Variants in UGT2B7 observed in about 807,000 individuals in gnomAD.
UGT2B7 encodes UDP glucuronosyltransferase family 2 member B7.
A neutral mutation model predicts 51.9 loss-of-function variants in UGT2B7; 51 were observed. The ratio of observed to expected loss-of-function variants is 0.98; its 90% CI spans 0.78 to 1.24. The LOEUF is 1.24. Ranked by LOEUF, UGT2B7 falls within the 50% of genes most tolerant of loss-of-function variation. The probability of loss-of-function intolerance (pLI) is 0.00; values close to 1 mark genes in which losing one functional copy is unlikely to be tolerated. For synonymous variants in UGT2B7, 225 were observed against 211.6 expected (o/e 1.06, Z -0.55); for missense variants, 727 against 628.4 (o/e 1.16, Z -1.68).
At chr4:69,064,723 A>C (rs1718451194) in intron 1 of UGT2B7, among the ~76,000 whole-genome samples, 1 of 152,180 alleles carries the variant, frequency 6.6e-6, no homozygotes, top group African/African-American at 2.4e-5. Flanking sequence ...AAGTCAGCTG[A>C]GTCTGAGTGC....
At chr4:69,108,419 T>C (rs1353963004) in intron 5 of UGT2B7, 97 bp downstream of exon 5, 1 of 1,356,452 alleles carries the variant, frequency 7.4e-7, no homozygotes, top group Non-Finnish European at 1.0e-6. Context: ...GAGACTAATT[T>C]TGAAAGAATT....
chr4:69,053,776 G>A (rs186736770), intron 1 of UGT2B7, among the ~76,000 whole-genome samples: 3 of 152,238 alleles, frequency 2.0e-5, no homozygotes, highest in East Asian at 3.9e-4. Flanking sequence ...TCAGTCAGCC[G>A]TTGTTCATCC....
At position 69,076,544 on chromosome 4, in the gene UGT2B7, CT is replaced by C. The variant is rs1213624539; in HGVS notation, c.-158-12921del. Among the ~76,000 whole-genome samples the C allele has an allele frequency of 5.3e-5, 8 of 152,240 alleles. No individual in the cohort carries two copies. In the East Asian group the frequency reaches 1.5e-3, roughly 29 times the overall value. ...TGCTCTAATGATGAGTGATAATGAG[CT>C]TTTTTTCATATGTTTGTTGGCTATG... On this transcript the variant is annotated intron_variant, in intron 1 of 5. Transcript: ENST00000502942.
At chr4:69,054,126 G>A (rs570208411) in intron 1 of UGT2B7, among the ~76,000 whole-genome samples, 1 of 151,746 alleles carries the variant, frequency 6.6e-6, no homozygotes, top group East Asian at 1.9e-4. Flanking sequence ...ACAACCAACA[G>A]CAAAGAGCTT....
At chr4:69,062,375 C>CA (rs2109863356) in intron 1 of UGT2B7, among the ~76,000 whole-genome samples, 1 of 152,292 alleles carries the variant, frequency 6.6e-6, no homozygotes, top group African/African-American at 2.4e-5. Flanking sequence ...TATGGCCATG[C>CA]AAAAAGTATA....
At chr4:69,071,941 C>G (rs909465206) in intron 1 of UGT2B7, among the ~76,000 whole-genome samples, 1 of 151,902 alleles carries the variant, frequency 6.6e-6, no homozygotes, top group Non-Finnish European at 1.5e-5. Flanking sequence ...TTTTATGAAA[C>G]AACTTCTGAA....
rs573023079 is a variant in UGT2B7, at chr4:69,109,805, A to G, written c.1310+1483A>G. On this transcript the variant is annotated intron_variant, in intron 5 of 5. Transcript: ENST00000305231. Reference sequence around the variant, plus strand: ...TCCTTGTGGAGTCCAGCTACCATCAATTCAGCATTTATAGCTACTATCAAT... The same window carrying G: ...TCCTTGTGGAGTCCAGCTACCATCAGTTCAGCATTTATAGCTACTATCAAT... 1.5e-3 allele frequency among the ~76,000 whole-genome samples: 232 copies of G among 152,256 alleles called. 1 individual carries two copies. Among genetic ancestry groups the G allele is most frequent in the African/African-American group, 5.1e-3 (211 of 41,582 alleles).
intron 1 of UGT2B7, among the ~76,000 whole-genome samples, chr4:69,061,837 TG>T (rs1208901170): frequency 6.6e-6 from 1 of 152,198 alleles, no homozygotes; most frequent in African/African-American, 2.4e-5. Context: ...AACCTGCTTA[TG>T]GACTTCTCCG....
upstream of UGT2B7, among the ~76,000 whole-genome samples, chr4:69,095,285 C>A (rs982220967): frequency 3.3e-5 from 5 of 152,098 alleles, no homozygotes; most frequent in Non-Finnish European, 7.4e-5. Context: ...TGGTGATAGG[C>A]TGGAAAATTT....
At chr4:69,086,513 A>G (rs1314675714) in intron 1 of UGT2B7, among the ~76,000 whole-genome samples, 1 of 151,910 alleles carries the variant, frequency 6.6e-6, no homozygotes. Context: ...AGTGCAGTTT[A>G]ACTCTGAGGT....
chr4:69,070,364 G>A lies in UGT2B7; in HGVS notation c.-159+18762G>A, dbSNP rs376004486. On this transcript the variant is annotated intron_variant, in intron 1 of 5. Coordinates refer to the UGT2B7 transcript ENST00000502942. ...GGAAGCACATGTGCAAAATGTGCAC[G>A]TTTGTTACCTAGATAAAGAACCCTC... 4.1e-5 allele frequency among the ~76,000 whole-genome samples: 6 copies of A among 147,704 alleles called. No homozygotes were observed. In the East Asian group the frequency reaches 7.8e-4, roughly 19 times the overall value.
chr4:69,059,623 C>A (rs1006497320), intron 1 of UGT2B7, among the ~76,000 whole-genome samples: 1 of 146,514 alleles, frequency 6.8e-6, no homozygotes, highest in African/African-American at 2.6e-5. Flanking sequence ...AAGTCAGGCA[C>A]CAGTGGTGGT....
At chr4:69,052,273 C>T (rs1718040101) in intron 1 of UGT2B7, among the ~76,000 whole-genome samples, 2 of 151,982 alleles carry the variant, frequency 1.3e-5, no homozygotes, top group Non-Finnish European at 2.9e-5. Flanking sequence ...ACCCCTTCCC[C>T]CCCAACAGTA....
At chr4:69,065,972 T>A (rs1312191398) in intron 1 of UGT2B7, among the ~76,000 whole-genome samples, 2 of 152,182 alleles carry the variant, frequency 1.3e-5, no homozygotes, top group Non-Finnish European at 2.9e-5. Flanking sequence ...TGATTGTATT[T>A]AACTTGACAA....
intron 1 of UGT2B7, among the ~76,000 whole-genome samples, chr4:69,076,963 G>A (rs1718720767): frequency 1.3e-5 from 2 of 152,158 alleles, no homozygotes; most frequent in South Asian, 2.1e-4. Flanking sequence ...TTTGTATAAG[G>A]TGTAAGGAAG....
chr4:69,108,390 A>G (rs1282724097), intron 5 of UGT2B7, 68 bp downstream of exon 5: 1 of 1,538,552 alleles, frequency 6.5e-7, no homozygotes, highest in Non-Finnish European at 8.9e-7. Context: ...AGTGAGTGTG[A>G]GTTTCATCCT....
At chr4:69,062,935 G>A (rs896219406) in intron 1 of UGT2B7, among the ~76,000 whole-genome samples, 1 of 152,164 alleles carries the variant, frequency 6.6e-6, no homozygotes, top group African/African-American at 2.4e-5. Flanking sequence ...CATGCTGGCT[G>A]TAAGAATGCT....
At chr4:69,106,694 A>G (rs1371402460) in intron 3 of UGT2B7, among the ~76,000 whole-genome samples, 3 of 152,074 alleles carry the variant, frequency 2.0e-5, no homozygotes, top group African/African-American at 7.2e-5. Flanking sequence ...CAATGGTTGA[A>G]CAAACTTACA....
At chr4:69,052,569 C>A (rs984383024) in intron 1 of UGT2B7, among the ~76,000 whole-genome samples, 163 of 64,544 alleles carry the variant, frequency 2.5e-3, no homozygotes, top group South Asian at 5.1e-3. Flanking sequence ...TGGTTATCTT[C>A]AAAAAAAAAA....
Sources: allele counts gnomAD v4.1 joint callset (sites outside exome capture counted in the v4.1 genomes callset), GRCh38; gene constraint gnomAD v4.1.1; transcripts MANE v1.5; gene names NCBI Gene and HGNC (gene_info 2026-07-23, HGNC 2026-07-21).